Variants in SLC1A2 observed in about 807,000 individuals in gnomAD.
SLC1A2 encodes the protein excitatory amino acid transporter 2.
Under a neutral mutation model 48.8 loss-of-function variants are expected in SLC1A2, and 15 were observed. That is an observed-to-expected ratio of 0.31 (90% CI 0.21 to 0.47). The LOEUF is 0.47. SLC1A2 is among the 20% of genes least tolerant of loss of function. The pLI is 0.99. For synonymous variants in SLC1A2, 279 were observed against 272.6 expected (o/e 1.02, Z -0.23); for missense variants, 502 against 730.5 (o/e 0.69, Z 3.61).
chr11:35,370,853 G>T, intron 1 of SLC1A2: 1 of 634,528 alleles, frequency 1.6e-6, no homozygotes, highest in Non-Finnish European at 2.0e-6. Context: ...AGGCCAAGAA[G>T]AACATGAGCT....
At chr11:35,283,311 T>C (rs1424556056) in intron 8 of SLC1A2, among the ~76,000 whole-genome samples, 7 of 152,222 alleles carry the variant, frequency 4.6e-5, no homozygotes. Flanking sequence ...ATGAAAATTT[T>C]ACTTGGAAGC....
chr11:35,304,054 C>G (rs545541704), intron 5 of SLC1A2, among the ~76,000 whole-genome samples: 26 of 152,132 alleles, frequency 1.7e-4, no homozygotes, highest in Non-Finnish European at 2.8e-4. Context: ...GGATGGAAAC[C>G]GTATTCAGCT....
At chr11:35,321,392 A>G (rs1433745340) in intron 1 of SLC1A2, among the ~76,000 whole-genome samples, 1 of 152,176 alleles carries the variant, frequency 6.6e-6, no homozygotes, top group Non-Finnish European at 1.5e-5. Flanking sequence ...ATGAAGGGAC[A>G]TTTGAATAGA....
At chr11:35,326,739 T>A (rs1157265925) in intron 1 of SLC1A2, among the ~76,000 whole-genome samples, 6 of 152,166 alleles carry the variant, frequency 3.9e-5, no homozygotes, top group Admixed American at 3.9e-4. Context: ...TGAGATGATG[T>A]TTAAGAGCTT....
intron 8 of SLC1A2, among the ~76,000 whole-genome samples, chr11:35,282,237 A>C (rs1368990338): frequency 2.0e-5 from 3 of 151,766 alleles, no homozygotes; most frequent in Non-Finnish European, 2.9e-5. Context: ...GGCTCAGAGC[A>C]CTCCAATTTC....
intron 6 of SLC1A2, chr11:35,299,571 A>G (rs1463342154): frequency 2.0e-5 from 3 of 152,120 alleles, no homozygotes; most frequent in African/African-American, 7.2e-5. Context: ...TGAACAAGCC[A>G]GGTCTGTTAA....
chr11:35,383,588 C>G (rs1291192651), intron 1 of SLC1A2, among the ~76,000 whole-genome samples: 2 of 152,208 alleles, frequency 1.3e-5, no homozygotes, highest in African/African-American at 4.8e-5. Flanking sequence ...GTCTATAAAA[C>G]AGGGATGGTA....
intron 8 of SLC1A2, chr11:35,286,007 T>C (rs1850808521): frequency 6.6e-6 from 1 of 152,148 alleles, no homozygotes; most frequent in Non-Finnish European, 1.5e-5. Context: ...CAATATAACA[T>C]TGAATGGGCT....
chr11:35,314,068 G>C (rs748422808), intron 3 of SLC1A2, among the ~76,000 whole-genome samples: 4 of 152,124 alleles, frequency 2.6e-5, no homozygotes, highest in Non-Finnish European at 4.4e-5. Context: ...AATATTATTT[G>C]GTAAGGAGGA....
Position 35,382,134 on chromosome 11 carries a change from A to G in SLC1A2, c.17+36816T>C, listed in dbSNP as rs149515799. On this transcript the variant is annotated intron_variant, in intron 1 of 10. Transcript: ENST00000278379. ...GATGACACAGAAACTAAGAAATGAA[A>G]TCAAACTCAGCTCCATGTTCCTACA... 2.6e-3 allele frequency among the ~76,000 whole-genome samples: 396 copies of G among 152,312 alleles called. 1 individual carries two copies. The highest frequency in any genetic ancestry group is 0.01 in the Middle Eastern group (3 of 294).
intron 1 of SLC1A2, among the ~76,000 whole-genome samples, chr11:35,368,129 C>G (rs1206907841): frequency 6.6e-6 from 1 of 152,176 alleles, no homozygotes; most frequent in East Asian, 1.9e-4. Flanking sequence ...CATGATAGGA[C>G]ATAACTTAAT....
chr11:35,384,100 C>T (rs181048088), intron 1 of SLC1A2, among the ~76,000 whole-genome samples: 135 of 152,266 alleles, frequency 8.9e-4, no homozygotes, highest in Non-Finnish European at 1.4e-3. Flanking sequence ...AAGAGAAATA[C>T]GTTCACCCTA....
intron 1 of SLC1A2, among the ~76,000 whole-genome samples, chr11:35,406,665 C>T (rs971101575): frequency 6.6e-6 from 1 of 152,004 alleles, no homozygotes; most frequent in Non-Finnish European, 1.5e-5. Flanking sequence ...TTAATACCAA[C>T]ATTTCTGGCT....
chr11:35,276,451 T>C (rs1326358967), intron 9 of SLC1A2, among the ~76,000 whole-genome samples: 1 of 147,426 alleles, frequency 6.8e-6, no homozygotes, highest in Non-Finnish European at 1.5e-5. Context: ...TCATCCTTTT[T>C]AAAAAAAAAA....
intron 10 of SLC1A2, among the ~76,000 whole-genome samples, chr11:35,264,517 C>T (rs774571255): frequency 1.1e-4 from 17 of 152,216 alleles, no homozygotes; most frequent in Admixed American, 2.6e-4. Context: ...GGTCATGACA[C>T]TCTGACTTTG....
intron 10 of SLC1A2, among the ~76,000 whole-genome samples, chr11:35,263,699 T>G (rs892874999): frequency 1.3e-5 from 2 of 152,224 alleles, no homozygotes; most frequent in African/African-American, 4.8e-5. Flanking sequence ...GTGATTTTTT[T>G]GTTTTACATA....
At chr11:35,385,470 T>G (rs972453988) in intron 1 of SLC1A2, among the ~76,000 whole-genome samples, 2 of 152,214 alleles carry the variant, frequency 1.3e-5, no homozygotes, top group Non-Finnish European at 2.9e-5. Context: ...TTTGTAGTGT[T>G]TTGCCTCCCA....
At chr11:35,308,172 C>G (rs1297442825) in intron 4 of SLC1A2, among the ~76,000 whole-genome samples, 1 of 152,222 alleles carries the variant, frequency 6.6e-6, no homozygotes, top group African/African-American at 2.4e-5. Flanking sequence ...AGGAGGCCAG[C>G]TGCTACCTAT....
At chr11:35,297,475 CTG>C (rs1851209698) in intron 6 of SLC1A2, among the ~76,000 whole-genome samples, 1 of 152,156 alleles carries the variant, frequency 6.6e-6, no homozygotes, top group Non-Finnish European at 1.5e-5. Context: ...ATCTGCCTTA[CTG>C]TGTTTTAACA....
Sources: allele counts gnomAD v4.1 joint callset (sites outside exome capture counted in the v4.1 genomes callset), GRCh38; gene constraint gnomAD v4.1.1; transcripts MANE v1.5; gene names NCBI Gene and HGNC (gene_info 2026-07-23, HGNC 2026-07-21).